THOC2: variants seen among roughly 807,000 people sequenced by gnomAD.
THOC2 encodes THO complex 2.
A neutral mutation model predicts 128.4 loss-of-function variants in THOC2; 10 were observed. The observed-to-expected ratio is 0.08, with a 90% confidence interval of 0.05 to 0.13. The LOEUF (loss-of-function observed/expected upper bound fraction) is 0.13. THOC2 is among the 10% of genes least tolerant of loss of function. THOC2 has a pLI of 1.00. For missense variants in THOC2, 535 were observed against 1,155.7 expected (o/e 0.46, Z 7.79); for synonymous variants, 393 against 396.9 (o/e 0.99, Z 0.12).
At chrX:123,706,149 AG>A (rs2050916002) in intron 3 of THOC2, among the ~76,000 whole-genome samples, 1 of 111,398 alleles carries the variant, frequency 9.0e-6, no homozygotes, top group South Asian at 3.7e-4. Flanking sequence ...TTTTTAATCT[AG>A]TCGATATTTT....
At chrX:123,729,441 G>C (rs2052136726) in intron 1 of THOC2, among the ~76,000 whole-genome samples, 1 of 111,796 alleles carries the variant, frequency 8.9e-6, no homozygotes, top group African/African-American at 3.2e-5. Context: ...GTACAGTTAA[G>C]AATTTGCCCT....
intron 8 of THOC2, among the ~76,000 whole-genome samples, chrX:123,686,026 A>AAAAT (rs2049989031): frequency 9.0e-6 from 1 of 111,619 alleles, no homozygotes; most frequent in African/African-American, 3.3e-5. Flanking sequence ...CTCAAAATAA[A>AAAAT]AAATAAATAA....
At chrX:123,677,764 G>A (rs746562414) in intron 8 of THOC2, among the ~76,000 whole-genome samples, 7 of 109,298 alleles carry the variant, frequency 6.4e-5, no homozygotes, top group South Asian at 8.1e-4. Context: ...CAGCTACTTG[G>A]GAGGCTGAGG....
rs371297620 is a variant in THOC2, at chrX:123,730,188, T to G, written c.71+2764A>C. 5.9e-3 allele frequency among the ~76,000 whole-genome samples: 653 copies of G among 110,603 alleles called. 3 individuals carry two copies. Among genetic ancestry groups the G allele is most frequent in the Middle Eastern group, 0.019 (4 of 211 alleles). ...TGTTTTTGTTTGGGTTTTTGTTTTTTTTTTTTTTTTAAAGAGTTTCGCTCT... is the reference window on the plus strand; with the variant it reads ...TGTTTTTGTTTGGGTTTTTGTTTTTGTTTTTTTTTTAAAGAGTTTCGCTCT... On this transcript the variant is annotated intron_variant, in intron 1 of 38. Transcript: ENST00000245838.
chrX:123,651,057 C>T (rs144199086), intron 12 of THOC2, among the ~76,000 whole-genome samples: 2,699 of 111,270 alleles, frequency 0.024, 81 homozygotes, highest in African/African-American at 0.08. Flanking sequence ...CATAATTGGA[C>T]GTAAAAGACT....
intron 33 of THOC2, among the ~76,000 whole-genome samples, chrX:123,614,514 A>C (rs897218745): frequency 9.1e-6 from 1 of 109,492 alleles, no homozygotes; most frequent in Admixed American, 9.7e-5. Flanking sequence ...TATATGAACA[A>C]TAGTGACTGG....
intron 1 of THOC2, among the ~76,000 whole-genome samples, chrX:123,724,500 C>T (rs2051854971): frequency 9.2e-6 from 1 of 109,008 alleles, no homozygotes. Flanking sequence ...GCCTGGCCAA[C>T]ATGATGAAAC....
intron 38 of THOC2, chrX:123,603,765 G>A (rs2046369067): frequency 9.5e-6 from 3 of 316,652 alleles, no homozygotes; most frequent in African/African-American, 2.7e-5. Context: ...TGACAAATCA[G>A]CAACCACAAG....
At position 123,636,058 on chromosome X, in the gene THOC2, T is replaced by C. The variant is rs745927333; in HGVS notation, c.2018+21A>G. On this transcript the variant is annotated intron_variant, in intron 19 of 38. Coordinates refer to ENST00000245838, the MANE Select transcript of THOC2 (RefSeq NM_001081550.2). ...AAAAGTACTCTATTGAATTTCATTA[T>C]GTATAATTTGCTATGAATACCTTTT... The C allele has an allele frequency of 9.6e-6, 11 of 1,144,029 alleles. No homozygotes were observed. In the South Asian group the frequency reaches 1.7e-4, roughly 18 times the overall value. The allele number at this position is 1,144,029 out of a possible 1,213,427, so 94.3% of individuals were successfully genotyped here.
intron 12 of THOC2, among the ~76,000 whole-genome samples, chrX:123,660,814 C>G (rs751345740): frequency 3.6e-5 from 4 of 111,763 alleles, no homozygotes; most frequent in Non-Finnish European, 7.5e-5. Context: ...GGGTATTTAT[C>G]CAAAGGAAAA....
At position 123,624,046 on chromosome X, in the gene THOC2, A is replaced by C. The variant is rs769299226; in HGVS notation, c.3318+14T>G. 5.1e-5 allele frequency: 60 copies of C among 1,180,299 alleles called. No individual in the cohort carries two copies. Among genetic ancestry groups the C allele is most frequent in the Non-Finnish European group, 6.8e-5 (60 of 885,697 alleles). On this transcript the variant is annotated intron_variant, in intron 27 of 38. Transcript: ENST00000245838. ...AGAAAAATTTGCCTTTGAAAAATCCAATTTTTTTTTTACCTTGGTTAGTTT... is the reference window on the plus strand; with the variant it reads ...AGAAAAATTTGCCTTTGAAAAATCCCATTTTTTTTTTACCTTGGTTAGTTT...
At chrX:123,702,661 G>A (rs999662736) in intron 4 of THOC2, among the ~76,000 whole-genome samples, 4 of 104,726 alleles carry the variant, frequency 3.8e-5, no homozygotes, top group East Asian at 2.9e-4. Flanking sequence ...AGGGCATGGC[G>A]GTGAGATAGG....
At chrX:123,625,822 T>G in intron 25 of THOC2, 90 bp downstream of exon 25, 2 of 987,063 alleles carry the variant, frequency 2.0e-6, no homozygotes, top group South Asian at 2.2e-5. Flanking sequence ...AGTTCATGCT[T>G]TTTAACTAAA....
chrX:123,615,844 T>C (rs1178966554), intron 33 of THOC2, among the ~76,000 whole-genome samples: 1 of 111,236 alleles, frequency 9.0e-6, no homozygotes, highest in Non-Finnish European at 1.9e-5. Context: ...TAGTTCAGAA[T>C]GTACCCAATT....
At chrX:123,700,222 C>T (rs1008970074) in intron 4 of THOC2, among the ~76,000 whole-genome samples, 2 of 109,269 alleles carry the variant, frequency 1.8e-5, no homozygotes, top group Admixed American at 2.0e-4. Flanking sequence ...TGCTATCAGC[C>T]GGGCGTGGTA....
intron 38 of THOC2, 86 bp from the exon 39 acceptor site, chrX:123,601,424 G>A (rs1322018420): frequency 9.9e-6 from 1 of 100,834 alleles, no homozygotes; most frequent in Non-Finnish European, 2.0e-5. Context: ...CTTAGTCAAA[G>A]GAGGTAGGAG....
intron 8 of THOC2, among the ~76,000 whole-genome samples, chrX:123,672,021 C>T (rs1321950094): frequency 8.9e-6 from 1 of 112,514 alleles, no homozygotes; most frequent in Admixed American, 9.4e-5. Flanking sequence ...TGCAGGTTAA[C>T]ATTTAAATAA....
At position 123,644,631 on chromosome X, in the gene THOC2, G is replaced by A. The variant is rs767393709; in HGVS notation, c.1605C>T (p.His535=). 1.6e-5 allele frequency: 19 copies of A among 1,204,209 alleles called. No homozygotes were observed. The African/African-American group carries it at 3.3e-4, about 21-fold the overall frequency. Residue 535 remains histidine, a synonymous_variant, in exon 15 of 39, where the codon CAC becomes CAT. Transcript: ENST00000245838. ...GQWKNETYNS[H]PLLVKVKAQT... ...GAGCTTTAACTTTTACTAAAAGTGG[G>A]TGACTGTTATAAGTTTCATTCTTCC... is the stretch of plus-strand genomic sequence containing the variant.
intron 38 of THOC2, 43 bp downstream of exon 38, chrX:123,610,873 TTA>T (rs1386939909): frequency 1.5e-4 from 160 of 1,095,988 alleles, no homozygotes; most frequent in Non-Finnish European, 1.9e-4. Context: ...AGAACTCATT[TTA>T]TGTTTCTATC....
Sources: gnomAD v4.1 joint callset for allele counts (sites outside exome capture counted in the v4.1 genomes callset) on GRCh38, gnomAD v4.1.1 for gene constraint, MANE v1.5 for transcripts, NCBI Gene and HGNC (gene_info 2026-07-23, HGNC 2026-07-21) for gene names.